The following DDX60L variants were observed in gnomAD, a reference collection of about 807,000 sequenced individuals.
The protein encoded by DDX60L is probable ATP-dependent RNA helicase DDX60-like.
In DDX60L, 191 loss-of-function variants were observed where a neutral mutation model predicts 211.6. The observed-to-expected ratio is 0.90, with a 90% CI of 0.80 to 1.02. The LOEUF (loss-of-function observed/expected upper bound fraction) is 1.02. DDX60L is among the 50% of genes least tolerant of loss of function. The pLI is 0.00. For synonymous variants in DDX60L, 706 were observed against 694.1 expected, an observed-to-expected ratio of 1.02 and a Z score of -0.27; for missense variants, 2,007 against 1,984.1, an observed-to-expected ratio of 1.01 and a Z score of -0.22.
In DDX60L at chr4:168,422,374, C is replaced by A. The variant is rs549790849; in HGVS notation, c.2244+150G>T. 1.8e-5 allele frequency: 13 copies of A among 715,258 alleles called. No homozygotes were observed. In the Admixed American group the frequency reaches 4.4e-4, roughly 24 times the overall value. The allele number at this position is 715,258 out of a possible 1,614,324, so 44.3% of individuals were successfully genotyped here. ...AAGAAGGGGAAGAAATGAATGATTTCTCATACTCTAGTTACATTCTCCAGG... is the reference window on the plus strand; with the variant it reads ...AAGAAGGGGAAGAAATGAATGATTTATCATACTCTAGTTACATTCTCCAGG... On this transcript the variant is annotated intron_variant, in intron 16 of 37. Coordinates refer to ENST00000682922, the MANE Select transcript of DDX60L (RefSeq NM_001012967.3).
At position 168,373,242 on chromosome 4, in the gene DDX60L, C is replaced by T. The variant is rs142437486; in HGVS notation, c.4776+424G>A. Reference sequence around the variant, plus strand: ...ATTAAATCTAAAATCTTCCAGCACCCTAATATTTTATCCAGAACCTCCCAG... The same window carrying T: ...ATTAAATCTAAAATCTTCCAGCACCTTAATATTTTATCCAGAACCTCCCAG... On this transcript the variant is annotated intron_variant, in intron 35 of 37. Transcript: ENST00000682922. Among the ~76,000 whole-genome samples, 623 of 152,104 alleles carry T rather than the reference C, an allele frequency of 4.1e-3. 1 individual carries two copies. Among genetic ancestry groups the T allele is most frequent in the African/African-American group, 0.014 (572 of 41,506 alleles).
chr4:168,389,829 G>A (rs931956978), intron 29 of DDX60L, among the ~76,000 whole-genome samples: 6 of 152,162 alleles, frequency 3.9e-5, no homozygotes, highest in African/African-American at 1.4e-4. Context: ...ATAAGATCAT[G>A]ACAAAACTGA....
At chr4:168,402,732 A>G (rs1747048831) in intron 25 of DDX60L, among the ~76,000 whole-genome samples, 1 of 152,156 alleles carries the variant, frequency 6.6e-6, no homozygotes, top group Admixed American at 6.5e-5. Context: ...TCTAGGGTCC[A>G]GATTAGGGAA....
intron 18 of DDX60L, 120 bp downstream of exon 18, chr4:168,420,141 C>T: frequency 2.2e-6 from 2 of 902,326 alleles, no homozygotes. Flanking sequence ...ATTTCATTTT[C>T]TTTGTGAATT....
chr4:168,413,944 A>G (rs1460163346), intron 22 of DDX60L, among the ~76,000 whole-genome samples: 2 of 152,170 alleles, frequency 1.3e-5, no homozygotes, highest in Admixed American at 1.3e-4. Flanking sequence ...TAATAATCAT[A>G]CTCCCAAAGG....
intron 17 of DDX60L, 114 bp downstream of exon 17, chr4:168,421,646 C>T (rs1021961544): frequency 2.1e-6 from 3 of 1,419,706 alleles, no homozygotes; most frequent in Non-Finnish European, 2.9e-6. Flanking sequence ...CAGAGCAAGA[C>T]TCTGTCTCAA....
chr4:168,441,637 G>T, intron 9 of DDX60L, 145 bp from the exon 10 acceptor site: 1 of 614,766 alleles, frequency 1.6e-6, no homozygotes, highest in Non-Finnish European at 2.7e-6. Flanking sequence ...ACACTTGCAT[G>T]AAAATTAGTC....
At position 168,422,685 on chromosome 4, in the gene DDX60L, T is replaced by A; in HGVS notation, c.2098-15A>T. 6.6e-7 allele frequency: 1 copy of A among 1,525,676 alleles called. No homozygotes were observed. The highest frequency in any genetic ancestry group is 8.9e-7 in the Non-Finnish European group (1 of 1,127,758). The allele number at this position is 1,525,676 out of a possible 1,614,324, so 94.5% of individuals were successfully genotyped here. On this transcript the variant is annotated splice_polypyrimidine_tract_variant and intron_variant, in intron 15 of 37. Transcript: ENST00000682922. Reference sequence around the variant, plus strand: ...TCATCTCCTATCTGTTATTTTAATATATTATTTGAAATCAACTTAAACTTC... The same window carrying A: ...TCATCTCCTATCTGTTATTTTAATAAATTATTTGAAATCAACTTAAACTTC...
chr4:168,384,291 T>C (rs1244322517), intron 30 of DDX60L, among the ~76,000 whole-genome samples: 1 of 152,088 alleles, frequency 6.6e-6, no homozygotes, highest in Non-Finnish European at 1.5e-5. Flanking sequence ...GAGACCAGCC[T>C]GGGCAACAGT....
At chr4:168,369,008 A>C (rs574226422) in intron 36 of DDX60L, among the ~76,000 whole-genome samples, 1 of 152,330 alleles carries the variant, frequency 6.6e-6, no homozygotes, top group East Asian at 1.9e-4. Context: ...GACATTGTAC[A>C]GTAGACTTTT....
chr4:168,441,716 A>C (rs1753864866), intron 9 of DDX60L, among the ~76,000 whole-genome samples: 2 of 152,156 alleles, frequency 1.3e-5, no homozygotes, highest in African/African-American at 4.8e-5. Flanking sequence ...AGGTACTGTG[A>C]CATGGGCCTG....
At chr4:168,362,533 C>A (rs1043955960) in intron 36 of DDX60L, among the ~76,000 whole-genome samples, 17 of 152,188 alleles carry the variant, frequency 1.1e-4, no homozygotes, top group African/African-American at 4.1e-4. Context: ...TGCTGGCACA[C>A]TGAACCAAAA....
intron 34 of DDX60L, among the ~76,000 whole-genome samples, chr4:168,374,677 T>C (rs1741628567): frequency 6.6e-6 from 1 of 152,230 alleles, no homozygotes; most frequent in South Asian, 2.1e-4. Context: ...GAATTAACTT[T>C]TCAATTGTTT....
chr4:168,422,969 TTGTGTGTGTGTGTG>T (rs5863932), intron 15 of DDX60L, among the ~76,000 whole-genome samples: 5 of 132,964 alleles, frequency 3.8e-5, no homozygotes, highest in Admixed American at 3.6e-4. Flanking sequence ...GTGGCTAATA[TTGTGTGTGTGTGTG>T]TGTGTGTGTG....
intron 22 of DDX60L, among the ~76,000 whole-genome samples, chr4:168,414,677 T>TA (rs201306597): frequency 1.5e-4 from 22 of 150,810 alleles, no homozygotes; most frequent in East Asian, 3.9e-4. Flanking sequence ...CATTCAGCCA[T>TA]AAAAAAAAAT....
At chr4:168,465,391 A>G (rs933400639) in intron 4 of DDX60L, among the ~76,000 whole-genome samples, 2 of 152,056 alleles carry the variant, frequency 1.3e-5, no homozygotes, top group Admixed American at 6.6e-5. Context: ...CATATCCTGG[A>G]TATTAATTCC....
intron 8 of DDX60L, among the ~76,000 whole-genome samples, chr4:168,452,874 C>T (rs1169663263): frequency 6.6e-6 from 1 of 152,038 alleles, no homozygotes; most frequent in Non-Finnish European, 1.5e-5. Flanking sequence ...AATCAATTTT[C>T]TATGATTGAT....
chr4:168,457,206 G>A (rs1171747229), intron 6 of DDX60L, among the ~76,000 whole-genome samples: 2 of 149,358 alleles, frequency 1.3e-5, no homozygotes, highest in South Asian at 2.1e-4. Context: ...ACAGAGTGAG[G>A]CCTTGTCTGA....
rs1452462879 is a variant in DDX60L, at chr4:168,440,069, C to A, written c.1294+1268G>T. On this transcript the variant is annotated intron_variant, in intron 10 of 37. Transcript: ENST00000682922. ...ATCAGAATGGCCAAAATAAAAAAGA[C>A]TAACAATAGGCTGGGCATGATGGTG... 2.0e-5 allele frequency among the ~76,000 whole-genome samples: 3 copies of A among 152,282 alleles called. No homozygotes were observed. In the East Asian group the frequency reaches 5.8e-4, roughly 29 times the overall value.
Sources: gnomAD v4.1 joint callset for allele counts (sites outside exome capture counted in the v4.1 genomes callset) on GRCh38, gnomAD v4.1.1 for gene constraint, MANE v1.5 for transcripts, NCBI Gene and HGNC (gene_info 2026-07-23, HGNC 2026-07-21) for gene names.